ZNF549: variants seen among roughly 807,000 people sequenced by gnomAD.
The protein encoded by ZNF549 is zinc finger protein 549.
Under a neutral mutation model 11.1 loss-of-function variants are expected in ZNF549, and 11 were observed. The observed-to-expected ratio is 0.99, with a 90% confidence interval of 0.62 to 1.64. The LOEUF is 1.64. Among genes scored for constraint, ZNF549 ranks in the 40% most tolerant of loss-of-function variants. ZNF549 has a pLI of 0.00. For synonymous variants in ZNF549, 266 were observed against 269.1 expected, an observed-to-expected ratio of 0.99 and a Z score of 0.11; for missense variants, 748 against 765.1, an observed-to-expected ratio of 0.98 and a Z score of 0.26.
At chr19:57,535,377 T>C in intron 3 of ZNF549, 107 bp downstream of exon 3, 1 of 1,465,630 alleles carries the variant, frequency 6.8e-7, no homozygotes, top group African/African-American at 1.4e-5. Context: ...CCTTCTTCTT[T>C]CCTTGGTTCT....
intron 2 of ZNF549, among the ~76,000 whole-genome samples, chr19:57,531,610 G>A (rs1311128283): frequency 2.6e-5 from 4 of 152,148 alleles, no homozygotes; most frequent in Non-Finnish European, 5.9e-5. Context: ...TGAATGGCTG[G>A]TATTATCGCT....
In ZNF549 at chr19:57,538,672, C is replaced by T. The variant is rs1047472437; in HGVS notation, c.1668C>T (p.Pro556=). 5 of 1,613,964 alleles carry T rather than the reference C, an allele frequency of 3.1e-6. No homozygotes were observed. Among genetic ancestry groups the T allele is most frequent in the Non-Finnish European group, 3.4e-6 (4 of 1,180,012 alleles). ...AGAAAGTTCACACTGGCGAAAAGCCCTGTGAGTGCAGTGAATGTGGGAAAT... is the reference window on the plus strand; with the variant it reads ...AGAAAGTTCACACTGGCGAAAAGCCTTGTGAGTGCAGTGAATGTGGGAAAT... ...EHQKVHTGEK[P]CECSECGKCF... The change falls in exon 4 of 4, where the codon CCC becomes CCT. Residue 556 remains proline (P), a synonymous_variant. Transcript: ENST00000376233.
intron 3 of ZNF549, among the ~76,000 whole-genome samples, chr19:57,535,785 C>T (rs1201943391): frequency 6.6e-6 from 1 of 152,064 alleles, no homozygotes; most frequent in African/African-American, 2.4e-5. Flanking sequence ...CCTGTTTTTC[C>T]CTTAGGATTT....
In ZNF549 at chr19:57,527,610, A is replaced by T. The variant is rs1364961626; in HGVS notation, c.33+4A>T. The T allele has an allele frequency of 6.2e-7, 1 of 1,613,490 alleles. No homozygotes were observed. The highest frequency in any genetic ancestry group is 8.5e-7 in the Non-Finnish European group (1 of 1,179,888). On this transcript the variant is annotated splice_donor_region_variant and intron_variant, in intron 1 of 3. Coordinates refer to ENST00000376233, the MANE Select transcript of ZNF549 (RefSeq NM_001199295.2). ...AGCGCTAGTGATTACGCCGCAGGTGAGAGCGGAGTCCTCGGATCCTCACCT... is the reference window on the plus strand; with the variant it reads ...AGCGCTAGTGATTACGCCGCAGGTGTGAGCGGAGTCCTCGGATCCTCACCT...
In ZNF549 at chr19:57,538,543, G is replaced by A. The variant is rs1210258840; in HGVS notation, c.1539G>A (p.Glu513=). ...AATGTGGAAAAGGCTTCTACCTTGA[G>A]GTTAAACTTCTTCAGCACCAAAGAA... The part of the protein sequence containing the change: ...CSECGKGFYL[E]VKLLQHQRIH... Residue 513 remains glutamate, a synonymous_variant, in exon 4 of 4, where the codon GAG becomes GAA. Transcript: ENST00000376233. 1.2e-6 allele frequency: 2 copies of A among 1,614,120 alleles called. No homozygotes were observed. Among genetic ancestry groups the A allele is most frequent in the Admixed American group, 1.7e-5 (1 of 60,014 alleles).
At chr19:57,535,467 T>C (rs1467890769) in intron 3 of ZNF549, 197 bp downstream of exon 3, 6 of 664,792 alleles carry the variant, frequency 9.0e-6, no homozygotes, top group East Asian at 5.3e-5. Context: ...TGAAGCCTTT[T>C]AGTTAAGAGT....
chr19:57,533,110 G>A (rs900522153), intron 2 of ZNF549, among the ~76,000 whole-genome samples: 2 of 152,164 alleles, frequency 1.3e-5, no homozygotes, highest in African/African-American at 2.4e-5. Context: ...CTCCCAAAGT[G>A]CCTGTGATGT....
At chr19:57,536,556 T>C (rs1385017963) in intron 3 of ZNF549, among the ~76,000 whole-genome samples, 1 of 152,186 alleles carries the variant, frequency 6.6e-6, no homozygotes, top group Admixed American at 6.5e-5. Context: ...CCAGTTGTAA[T>C]TGCATTTTCC....
chr19:57,531,830 G>A (rs535669555), intron 2 of ZNF549, among the ~76,000 whole-genome samples: 2 of 152,144 alleles, frequency 1.3e-5, no homozygotes, highest in Non-Finnish European at 2.9e-5. Context: ...ACTCAGAGAA[G>A]CACGTCATTT....
In ZNF549 at chr19:57,527,563, C is replaced by T. The variant is rs773013044; in HGVS notation, c.-11C>T. The T allele has an allele frequency of 6.2e-7, 1 of 1,613,462 alleles. No individual in the cohort carries two copies. Among genetic ancestry groups the T allele is most frequent in the African/African-American group, 1.3e-5 (1 of 74,932 alleles). On this transcript the variant is annotated 5_prime_UTR_variant, in exon 1 of 4. Coordinates refer to ENST00000376233, the MANE Select transcript of ZNF549 (RefSeq NM_001199295.2). The stretch of plus-strand genomic sequence containing the variant: ...GCCCGCCTTTCCAGGCCCCGCCCCG[C>T]CTAAAGTCCCATGGCCGAGGCAGCG...
chr19:57,537,222 A>T lies in ZNF549; in HGVS notation c.218A>T (p.Glu73Val). 1.2e-6 allele frequency: 2 copies of T among 1,613,474 alleles called. No individual in the cohort carries two copies. Among genetic ancestry groups the T allele is most frequent in the Non-Finnish European group, 1.7e-6 (2 of 1,179,596 alleles). ...CTTTTAGGTTGTTTGCATGGAATAG[A>T]GGCTGAGGAGGCCCCTTCTGAGCAG... ...MASVGCLHGI[E>V]AEEAPSEQTL... Residue 73 changes from glutamate (E) to valine (V), a missense_variant, in exon 4 of 4, where the codon GAG becomes GTG. Glu to Val is a moderately radical substitution (Grantham distance 121, BLOSUM62 -2). Transcript: ENST00000376233.
At chr19:57,527,679 C>T (rs1304828813) in intron 1 of ZNF549, 73 bp downstream of exon 1, 1 of 1,549,062 alleles carries the variant, frequency 6.5e-7, no homozygotes, top group South Asian at 1.2e-5. Context: ...TGGGTCTCTG[C>T]AGTTCAGGCC....
chr19:57,537,952 A>G lies in ZNF549; in HGVS notation c.948A>G (p.Lys316=). 6.2e-7 allele frequency: 1 copy of G among 1,614,070 alleles called. No individual in the cohort carries two copies. The highest frequency in any genetic ancestry group is 1.1e-5 in the South Asian group (1 of 91,070). ...CIECGKSLSS[K]YSLVEHQRTH... is the part of the protein sequence containing the mutation. ...AATGTGGGAAATCCTTGAGCTCCAA[A>G]TACTCACTTGTGGAACACCAGAGAA... The change falls in exon 4 of 4, where the codon AAA becomes AAG. Residue 316 remains lysine, a synonymous_variant. Transcript: ENST00000376233.
chr19:57,530,721 A>G (rs925696263), intron 1 of ZNF549, among the ~76,000 whole-genome samples: 1 of 152,140 alleles, frequency 6.6e-6, no homozygotes, highest in Non-Finnish European at 1.5e-5. Flanking sequence ...AAGACACTAC[A>G]TATTTATTAT....
At position 57,538,672 on chromosome 19, in the gene ZNF549, CTG is replaced by C. The variant is rs2089940058; in HGVS notation, c.1671_1672del (p.Cys557Ter). Reference sequence around the variant, plus strand: ...AGAAAGTTCACACTGGCGAAAAGCCCTGTGAGTGCAGTGAATGTGGGAAATGC... The same window carrying C: ...AGAAAGTTCACACTGGCGAAAAGCCCTGAGTGCAGTGAATGTGGGAAATGC... ...HQKVHTGEKP[C>X]ECSECGKCFR... On this transcript the variant is annotated frameshift_variant, in exon 4 of 4. Transcript: ENST00000376233. LOFTEE classifies it low-confidence loss of function (END_TRUNC). 2 of 1,613,964 alleles carry C rather than the reference CTG, an allele frequency of 1.2e-6. No individual in the cohort carries two copies. Among genetic ancestry groups the C allele is most frequent in the Admixed American group, 1.7e-5 (1 of 60,000 alleles).
Position 57,527,457 on chromosome 19 carries a change from C to A in ZNF549, c.-117C>A. The A allele has an allele frequency of 7.0e-7, 1 of 1,426,322 alleles. No homozygotes were observed. Among genetic ancestry groups the A allele is most frequent in the Non-Finnish European group, 9.7e-7 (1 of 1,034,330 alleles). 88.4% of individuals were successfully genotyped at this position (1,426,322 alleles called of 1,614,324 possible). On this transcript the variant is annotated 5_prime_UTR_variant, in exon 1 of 4. Transcript: ENST00000376233. ...GAAACCGGTGGAGGTGGTGTCCGCC[C>A]GCAGAGGAGCTTGCCTGGTCTCGGT...
chr19:57,530,492 A>G (rs2089899579), intron 1 of ZNF549, among the ~76,000 whole-genome samples: 1 of 152,218 alleles, frequency 6.6e-6, no homozygotes, highest in Non-Finnish European at 1.5e-5. Context: ...TATTGAACGT[A>G]AGGAGAGAGG....
intron 1 of ZNF549, among the ~76,000 whole-genome samples, chr19:57,529,504 A>C (rs2089894216): frequency 6.6e-6 from 1 of 152,232 alleles, no homozygotes; most frequent in Non-Finnish European, 1.5e-5. Context: ...TGAATGTGGT[A>C]TCTCTCTAAA....
Position 57,537,653 on chromosome 19 carries a change from T to A in ZNF549, c.649T>A (p.Phe217Ile). Residue 217 changes from phenylalanine (F) to isoleucine (I), a missense_variant, in exon 4 of 4, where the codon TTT becomes ATT. Physicochemically the swap from Phe to Ile is conservative, Grantham distance 21 (BLOSUM62 0). Coordinates refer to ENST00000376233, the MANE Select transcript of ZNF549 (RefSeq NM_001199295.2). ...GTATGCACATAGAAGCAGGGAGACC[T>A]TTCAACAAAGACGTTACAAATGTGA... is the stretch of plus-strand genomic sequence containing the variant. ...QEYAHRSRET[F>I]QQRRYKCEQV... 1 of 1,614,194 alleles carries A rather than the reference T, an allele frequency of 6.2e-7. No homozygotes were observed. Among genetic ancestry groups the A allele is most frequent in the Non-Finnish European group, 8.5e-7 (1 of 1,180,034 alleles).
Sources: gnomAD v4.1 joint callset for allele counts (sites outside exome capture counted in the v4.1 genomes callset) on GRCh38, gnomAD v4.1.1 for gene constraint, MANE v1.5 for transcripts, NCBI Gene and HGNC (gene_info 2026-07-23, HGNC 2026-07-21) for gene names.